Variants in ARHGEF10L observed in about 807,000 individuals in gnomAD.
The protein encoded by ARHGEF10L is Rho guanine nucleotide exchange factor 10 like.
ARHGEF10L carries 69 observed loss-of-function variants against 141.2 expected under a neutral mutation model. That is an observed-to-expected ratio of 0.49 (90% CI 0.40 to 0.60). ARHGEF10L has a LOEUF of 0.60. ARHGEF10L is among the 20% of genes least tolerant of loss of function. The pLI, the probability that ARHGEF10L is intolerant of heterozygous loss-of-function variation, is 0.00. For synonymous variants in ARHGEF10L, 711 were observed against 718.5 expected, an observed-to-expected ratio of 0.99 and a Z score of 0.17; for missense variants, 1,482 against 1,734.3, an observed-to-expected ratio of 0.85 and a Z score of 2.58.
At chr1:17,650,115 G>C (rs949095128) in intron 22 of ARHGEF10L, among the ~76,000 whole-genome samples, 1 of 152,144 alleles carries the variant, frequency 6.6e-6, no homozygotes, top group African/African-American at 2.4e-5. Flanking sequence ...TTGCAGATAA[G>C]AATGGATACC....
chr1:17,629,127 C>G (rs1394217479), intron 15 of ARHGEF10L, among the ~76,000 whole-genome samples: 1 of 152,106 alleles, frequency 6.6e-6, no homozygotes, highest in Non-Finnish European at 1.5e-5. Flanking sequence ...CTCAAGTGAG[C>G]CTCCTGCCTC....
At chr1:17,611,196 A>G (rs1174217458) in intron 7 of ARHGEF10L, among the ~76,000 whole-genome samples, 2 of 152,174 alleles carry the variant, frequency 1.3e-5, no homozygotes, top group Non-Finnish European at 2.9e-5. Flanking sequence ...GTGATGGAGC[A>G]CCAGAAGGCC....
chr1:17,614,684 C>G (rs1019241727), intron 8 of ARHGEF10L, among the ~76,000 whole-genome samples: 2 of 152,166 alleles, frequency 1.3e-5, no homozygotes, highest in Non-Finnish European at 2.9e-5. Context: ...GATTACTCCC[C>G]TTGCCCAACC....
chr1:17,696,519 G>T (rs2065512986), intron 28 of ARHGEF10L, among the ~76,000 whole-genome samples: 2 of 152,140 alleles, frequency 1.3e-5, no homozygotes, highest in African/African-American at 4.8e-5. Flanking sequence ...AGTGTGAGCT[G>T]GGCCTTGCTG....
chr1:17,535,659 T>A (rs1320825045), upstream of ARHGEF10L, among the ~76,000 whole-genome samples: 1 of 152,174 alleles, frequency 6.6e-6, no homozygotes, highest in Non-Finnish European at 1.5e-5. Context: ...CCAGATGTAA[T>A]GTATCATTGA....
rs2063433785 is a variant in ARHGEF10L at position 17,673,210 on chromosome 1, C to T, written c.3009+8615C>T. Among the ~76,000 whole-genome samples the T allele has an allele frequency of 6.6e-6, 1 of 152,082 alleles. No individual in the cohort carries two copies. Among genetic ancestry groups the T allele is most frequent in the African/African-American group, 2.4e-5 (1 of 41,392 alleles). ...ACGGGAGGTGAGGAAGGGGAGCTGG[C>T]ACGGCAGGGGCAGTCCTGTCCTTGT... On this transcript the variant is annotated intron_variant, in intron 26 of 28. Transcript: ENST00000361221. This position sits in a 1 kb window ranked among gnomAD's most constrained non-coding sequence, Gnocchi z 4.1.
chr1:17,681,040 T>G (rs950161820), intron 26 of ARHGEF10L, among the ~76,000 whole-genome samples: 1 of 152,180 alleles, frequency 6.6e-6, no homozygotes, highest in African/African-American at 2.4e-5. Context: ...CCCAAAGTGC[T>G]GGGATTACAG....
chr1:17,643,714 C>G (rs2061442017), intron 21 of ARHGEF10L, among the ~76,000 whole-genome samples: 1 of 152,282 alleles, frequency 6.6e-6, no homozygotes, highest in South Asian at 2.1e-4. Flanking sequence ...GCACAGGGCT[C>G]TCGTGAAAAT....
intron 2 of ARHGEF10L, among the ~76,000 whole-genome samples, chr1:17,583,233 G>A (rs1469852377): frequency 1.4e-5 from 2 of 146,258 alleles, no homozygotes; most frequent in East Asian, 4.1e-4. Context: ...AGAAGGTGTA[G>A]AAATGACCTG....
intron 27 of ARHGEF10L, chr1:17,691,069 G>C: frequency 2.2e-6 from 1 of 447,332 alleles, no homozygotes; most frequent in East Asian, 7.1e-5. Context: ...TCGCATACTC[G>C]ACTGGTATTA....
At chr1:17,543,875 T>G (rs1302296746) in intron 1 of ARHGEF10L, among the ~76,000 whole-genome samples, 4 of 151,928 alleles carry the variant, frequency 2.6e-5, no homozygotes, top group African/African-American at 7.3e-5. Context: ...CTCAAACTCC[T>G]GACCTCAGGT....
chr1:17,561,292 C>T (rs1238503351), intron 1 of ARHGEF10L, among the ~76,000 whole-genome samples: 1 of 152,192 alleles, frequency 6.6e-6, no homozygotes, highest in Non-Finnish European at 1.5e-5. Flanking sequence ...GTCATGCTGG[C>T]AGCCCGGGAG....
At position 17,673,427 on chromosome 1, in the gene ARHGEF10L, T is replaced by G. The variant is rs938038571; in HGVS notation, c.3009+8832T>G. Among the ~76,000 whole-genome samples the G allele has an allele frequency of 2.6e-5, 4 of 152,174 alleles. No homozygotes were observed. The highest frequency in any genetic ancestry group is 9.7e-5 in the African/African-American group (4 of 41,436). On this transcript the variant is annotated intron_variant, in intron 26 of 28. Transcript: ENST00000361221. The surrounding 1 kb of genome is among the most constrained non-coding windows in gnomAD (Gnocchi z 4.1). ...GAACAAATAGAGCCATGGACATGGA[T>G]CCGCTGAATGTCAGCTGCTAGGCTG...
At chr1:17,575,213 G>T (rs1469666040) in intron 1 of ARHGEF10L, among the ~76,000 whole-genome samples, 1 of 152,294 alleles carries the variant, frequency 6.6e-6, no homozygotes, top group East Asian at 1.9e-4. Context: ...GTGTCTGCAG[G>T]CATGTACCTG....
chr1:17,697,123 C>T lies in ARHGEF10L; in HGVS notation c.3583C>T (p.Pro1195Ser). Residue 1195 changes from proline to serine, a missense_variant, in exon 29 of 29, where the codon CCT (proline) becomes TCT (serine). Physicochemically the swap from Pro to Ser is moderately conservative, Grantham distance 74. Transcript: ENST00000361221. This position sits in a 1 kb window ranked among gnomAD's most constrained non-coding sequence, Gnocchi z 4.8. ...GCTGCTCTCCATGCGGGAGCCGGCG[C>T]CTGCTGATGGCGCAGCTTTGGAGCA... ...GPLLSMREPA[P>S]ADGAALEHSE... 6.2e-7 allele frequency: 1 copy of T among 1,610,660 alleles called. No homozygotes were observed. Among genetic ancestry groups the T allele is most frequent in the Non-Finnish European group, 8.5e-7 (1 of 1,178,630 alleles).
At chr1:17,661,508 T>C (rs1458463125) in intron 25 of ARHGEF10L, among the ~76,000 whole-genome samples, 3 of 152,194 alleles carry the variant, frequency 2.0e-5, no homozygotes, top group African/African-American at 7.2e-5. Flanking sequence ...ATTCATGCAG[T>C]CCTTAGGGTT....
intron 27 of ARHGEF10L, among the ~76,000 whole-genome samples, chr1:17,693,375 G>T (rs2065243047): frequency 6.6e-6 from 1 of 152,190 alleles, no homozygotes; most frequent in Non-Finnish European, 1.5e-5. Context: ...TAGGCATCTG[G>T]GAGGTAAATG....
intron 6 of ARHGEF10L, among the ~76,000 whole-genome samples, chr1:17,604,040 C>T (rs755122306): frequency 7.9e-5 from 12 of 151,976 alleles, no homozygotes; most frequent in South Asian, 4.1e-4. Flanking sequence ...GGAGATGGGG[C>T]GGGCCTGGGG....
intron 21 of ARHGEF10L, among the ~76,000 whole-genome samples, chr1:17,646,352 A>G (rs562134164): frequency 6.6e-6 from 1 of 152,352 alleles, no homozygotes; most frequent in Non-Finnish European, 1.5e-5. Context: ...AAAGCGAGTC[A>G]GATTAACGTT....
Sources: gnomAD v4.1 joint callset for allele counts (sites outside exome capture counted in the v4.1 genomes callset) on GRCh38, gnomAD v4.1.1 for gene constraint, Gnocchi (gnomAD v3.1) non-coding constraint, MANE v1.5 for transcripts, NCBI Gene and HGNC (gene_info 2026-07-23, HGNC 2026-07-21) for gene names.